The following ROBO2 variants were observed in gnomAD, a reference collection of about 807,000 sequenced individuals.
The protein encoded by ROBO2 is roundabout homolog 2.
A neutral mutation model predicts 160.8 loss-of-function variants in ROBO2; 53 were observed. That is an observed-to-expected ratio of 0.33 (90% CI 0.26 to 0.41). The LOEUF (loss-of-function observed/expected upper bound fraction) is 0.41. Ranked by LOEUF, ROBO2 falls within the 10% of genes least tolerant of loss-of-function variation. The probability of loss-of-function intolerance (pLI) is 1.00; values close to 1 mark genes in which losing one functional copy is unlikely to be tolerated. For synonymous variants in ROBO2, 664 were observed against 611.7 expected (o/e 1.09, Z -1.26); for missense variants, 1,577 against 1,722.4 (o/e 0.92, Z 1.49).
chr3:76,640,576 T>C (rs1364903389), intron 2 of ROBO2, among the ~76,000 whole-genome samples: 11 of 67,242 alleles, frequency 1.6e-4, no homozygotes, highest in African/African-American at 5.9e-4. Flanking sequence ...TAAATAAATA[T>C]CAATGCGTGT....
chr3:76,003,889 C>T (rs1312339122), intron 2 of ROBO2, among the ~76,000 whole-genome samples: 2 of 152,056 alleles, frequency 1.3e-5, no homozygotes, highest in African/African-American at 4.8e-5. Context: ...AATGAGATGC[C>T]CTATATAGCT....
chr3:76,578,789 C>T (rs1025647880), intron 2 of ROBO2, among the ~76,000 whole-genome samples: 9 of 152,102 alleles, frequency 5.9e-5, no homozygotes, highest in African/African-American at 2.2e-4. Context: ...ATTCAACAGC[C>T]TCCACGGCAT....
chr3:76,520,650 T>A (rs978973515), intron 2 of ROBO2, among the ~76,000 whole-genome samples: 19 of 152,174 alleles, frequency 1.2e-4, no homozygotes, highest in Non-Finnish European at 1.9e-4. Flanking sequence ...TCCTGGTCTA[T>A]ACCACTGTGG....
At chr3:76,495,917 G>T (rs2107584166) in intron 2 of ROBO2, among the ~76,000 whole-genome samples, 1 of 152,286 alleles carries the variant, frequency 6.6e-6, no homozygotes, top group Middle Eastern at 3.4e-3. Flanking sequence ...TTCAAGAAAT[G>T]TATGCCTATT....
At chr3:77,528,920 G>A (rs775714) in intron 6 of ROBO2, among the ~76,000 whole-genome samples, 114,398 of 151,254 alleles carry the variant, frequency 0.76, 43,513 homozygotes, top group Admixed American at 0.82. Context: ...AGGGATTCCT[G>A]TTAATGATAA....
intron 2 of ROBO2, among the ~76,000 whole-genome samples, chr3:76,840,620 A>T (rs1164776765): frequency 2.3e-5 from 3 of 130,914 alleles, no homozygotes; most frequent in East Asian, 2.1e-4. Context: ...AAAAAAAAAA[A>T]TTATATATAT....
intron 2 of ROBO2, among the ~76,000 whole-genome samples, chr3:76,504,511 A>G (rs2107675118): frequency 6.7e-6 from 1 of 149,686 alleles, no homozygotes; most frequent in East Asian, 2.0e-4. Flanking sequence ...GTAAGCTTAG[A>G]AAATACTCTT....
intron 2 of ROBO2, among the ~76,000 whole-genome samples, chr3:76,987,891 A>T (rs1055094403): frequency 6.6e-6 from 1 of 152,140 alleles, no homozygotes; most frequent in African/African-American, 2.4e-5. Context: ...ATATTTTTAA[A>T]GTTTAACTCT....
chr3:77,126,714 T>TATATATATATATATATATATATATATATA (rs1560065744), intron 2 of ROBO2, among the ~76,000 whole-genome samples: 25 of 137,686 alleles, frequency 1.8e-4, no homozygotes, highest in African/African-American at 8.2e-4. Context: ...ATATATATAT[T>TATATATATATATATATATATATATATATA]TTTTTTCCTT....
chr3:77,316,355 C>T (rs992918342), intron 2 of ROBO2, among the ~76,000 whole-genome samples: 7 of 152,170 alleles, frequency 4.6e-5, no homozygotes, highest in Non-Finnish European at 8.8e-5. Flanking sequence ...GTTTGTAACA[C>T]TGTCAAGCAG....
At chr3:77,273,882 C>G (rs2059656918) in intron 2 of ROBO2, among the ~76,000 whole-genome samples, 2 of 152,112 alleles carry the variant, frequency 1.3e-5, no homozygotes, top group Admixed American at 6.6e-5. Flanking sequence ...CTCATCCAAT[C>G]TTTTCTAAAC....
intron 2 of ROBO2, among the ~76,000 whole-genome samples, chr3:77,140,416 A>G (rs370628661): frequency 6.6e-6 from 1 of 152,220 alleles, no homozygotes; most frequent in South Asian, 2.1e-4. Context: ...TATTTATATC[A>G]TGAAATTGGA....
At chr3:76,217,369 C>T (rs537090572) in intron 2 of ROBO2, among the ~76,000 whole-genome samples, 3 of 152,240 alleles carry the variant, frequency 2.0e-5, no homozygotes, top group East Asian at 1.9e-4. Context: ...ATCAATGAAT[C>T]CAGGAGCTGG....
intron 2 of ROBO2, among the ~76,000 whole-genome samples, chr3:76,460,633 G>A (rs776978700): frequency 4.6e-5 from 7 of 152,164 alleles, no homozygotes; most frequent in Admixed American, 1.3e-4. Context: ...TGCCAGCCAC[G>A]TGAGTGAGCC....
chr3:76,033,110 A>G (rs1299604629), intron 2 of ROBO2, among the ~76,000 whole-genome samples: 1 of 152,200 alleles, frequency 6.6e-6, no homozygotes, highest in Non-Finnish European at 1.5e-5. Context: ...GCAAAAAAAA[A>G]AAATGGGGAG....
chr3:77,317,515 T>C (rs2064129712), intron 2 of ROBO2: 7 of 1,445,730 alleles, frequency 4.8e-6, no homozygotes, highest in Non-Finnish European at 6.7e-6. Flanking sequence ...GATTTCGTTT[T>C]CAAATCAAGC....
At chr3:76,762,476 G>C (rs1427669455) in intron 2 of ROBO2, among the ~76,000 whole-genome samples, 1 of 141,726 alleles carries the variant, frequency 7.1e-6, no homozygotes, top group Non-Finnish European at 1.5e-5. Context: ...TGAGTGAACT[G>C]TTTCTGAGAA....
At chr3:77,297,887 G>T (rs2062291311) in intron 2 of ROBO2, among the ~76,000 whole-genome samples, 1 of 152,238 alleles carries the variant, frequency 6.6e-6, no homozygotes, top group Middle Eastern at 3.4e-3. Flanking sequence ...GGGATAGAAG[G>T]CCCATTGACA....
chr3:77,196,129 C>CAGTAGACAGCTAAT (rs1304048780), intron 2 of ROBO2, among the ~76,000 whole-genome samples: 1 of 152,138 alleles, frequency 6.6e-6, no homozygotes, highest in Non-Finnish European at 1.5e-5. Flanking sequence ...GGGAGAGCAG[C>CAGTAGACAGCTAAT]AGTAGACAGC....
Sources: gnomAD v4.1 joint callset for allele counts (sites outside exome capture counted in the v4.1 genomes callset) on GRCh38, gnomAD v4.1.1 for gene constraint, MANE v1.5 for transcripts, NCBI Gene and HGNC (gene_info 2026-07-23, HGNC 2026-07-21) for gene names.